The following ANK3 variants were observed in gnomAD, a reference collection of about 807,000 sequenced individuals.
ANK3 encodes the protein ankyrin-3.
ANK3 carries 57 observed loss-of-function variants against 370.9 expected under a neutral mutation model. The observed-to-expected ratio is 0.15, with a 90% confidence interval of 0.12 to 0.19. The LOEUF is 0.19. ANK3 is among the 10% of genes least tolerant of loss of function. The pLI is 1.00. For missense variants in ANK3, 4,439 were observed against 5,302.1 expected (o/e 0.84, Z 5.06); for synonymous variants, 1,929 against 1,946.3 (o/e 0.99, Z 0.23).
rs897840246 is a variant in ANK3 at position 60,696,205 on chromosome 10, G to T, written c.57+37058C>A. On this transcript the variant is annotated intron_variant, in intron 1 of 43. Transcript: ENST00000373827. ...CACTCTCCCAAGACTAAACCAGGAAGAAGTTGAATCTCTGAATAGACCAAT... is the reference window on the plus strand; with the variant it reads ...CACTCTCCCAAGACTAAACCAGGAATAAGTTGAATCTCTGAATAGACCAAT... Among the ~76,000 whole-genome samples the T allele has an allele frequency of 9.3e-5, 14 of 150,078 alleles. 1 individual carries two copies. The highest frequency in any genetic ancestry group is 1.3e-4 in the Non-Finnish European group (9 of 67,588).
chr10:60,657,212 T>G (rs549840152), intron 1 of ANK3, among the ~76,000 whole-genome samples: 107 of 152,248 alleles, frequency 7.0e-4, no homozygotes, highest in African/African-American at 2.4e-3. Flanking sequence ...CAGAAAAGGA[T>G]GAGAAAGATC....
chr10:60,063,080 T>TTAAATAAA, intron 40 of ANK3, 31 bp downstream of exon 40: 1 of 1,589,808 alleles, frequency 6.3e-7, no homozygotes, highest in Non-Finnish European at 8.5e-7. Context: ...TATCAAATGA[T>TTAAATAAA]TAAATAAATA....
intron 1 of ANK3, among the ~76,000 whole-genome samples, chr10:60,374,191 C>T (rs916921664): frequency 5.3e-5 from 8 of 151,894 alleles, no homozygotes; most frequent in South Asian, 4.2e-4. Context: ...TCAGGGTCCT[C>T]GAGATAAAAC....
intron 18 of ANK3, among the ~76,000 whole-genome samples, chr10:60,178,939 C>G (rs1490967418): frequency 6.6e-6 from 1 of 151,320 alleles, no homozygotes; most frequent in Non-Finnish European, 1.5e-5. Flanking sequence ...TATAAAGGGT[C>G]AGCAAACTGG....
chr10:60,486,593 T>C (rs7101079), intron 2 of ANK3, among the ~76,000 whole-genome samples: 4,849 of 152,130 alleles, frequency 0.032, 252 homozygotes, highest in African/African-American at 0.11. Context: ...ACAACAACAA[T>C]GAAACCTATG....
intron 21 of ANK3, among the ~76,000 whole-genome samples, chr10:60,169,511 A>G (rs1314051744): frequency 6.6e-6 from 1 of 151,894 alleles, no homozygotes; most frequent in Non-Finnish European, 1.5e-5. Context: ...GATCTTGATC[A>G]TATGTCTGAA....
At chr10:60,719,120 A>C (rs1296733074) in intron 1 of ANK3, among the ~76,000 whole-genome samples, 1 of 152,096 alleles carries the variant, frequency 6.6e-6, no homozygotes, top group Non-Finnish European at 1.5e-5. Context: ...TTTTTAAACT[A>C]GTATTATGCA....
intron 7 of ANK3, among the ~76,000 whole-genome samples, chr10:60,257,463 T>C (rs1370429326): frequency 2.6e-5 from 4 of 152,206 alleles, no homozygotes; most frequent in South Asian, 4.1e-4. Context: ...GGAAGTAGAA[T>C]TGAGCCTTTT....
chr10:60,277,947 C>T (rs550676761), intron 4 of ANK3, among the ~76,000 whole-genome samples: 1 of 152,264 alleles, frequency 6.6e-6, no homozygotes, highest in South Asian at 2.1e-4. Context: ...GTTTGCTTTC[C>T]TACATGACCT....
intron 1 of ANK3, among the ~76,000 whole-genome samples, chr10:60,690,754 C>G (rs1443651046): frequency 6.6e-6 from 1 of 152,142 alleles, no homozygotes; most frequent in Non-Finnish European, 1.5e-5. Flanking sequence ...CCTACCACCT[C>G]CTTTGAGTGA....
chr10:60,665,304 G>A (rs1000077039), intron 1 of ANK3, among the ~76,000 whole-genome samples: 1 of 152,150 alleles, frequency 6.6e-6, no homozygotes, highest in African/African-American at 2.4e-5. Flanking sequence ...TAGAACAAGA[G>A]ACCAAAAACA....
upstream of ANK3, among the ~76,000 whole-genome samples, chr10:60,390,862 A>AT (rs1390845001): frequency 3.9e-5 from 6 of 152,196 alleles, no homozygotes; most frequent in Middle Eastern, 3.4e-3. Flanking sequence ...ACAAAAGTCC[A>AT]TAACTTTGGC....
chr10:60,061,068 A>T (rs1306101950), intron 40 of ANK3, among the ~76,000 whole-genome samples: 1 of 152,178 alleles, frequency 6.6e-6, no homozygotes, highest in African/African-American at 2.4e-5. Context: ...AACAAACCAC[A>T]GTTTCTGAAT....
rs112419606 is a variant in ANK3 at position 60,721,701 on chromosome 10, A to C, written c.57+11562T>G. Among the ~76,000 whole-genome samples, 382 of 152,306 alleles carry C rather than the reference A, an allele frequency of 2.5e-3. 1 individual carries two copies. Among genetic ancestry groups the C allele is most frequent in the African/African-American group, 8.9e-3 (371 of 41,568 alleles). On this transcript the variant is annotated intron_variant, in intron 1 of 43. Transcript: ENST00000373827. ...ACTTGGGCAGACAATGATTACTAACAGATAAAAGCTGCTTCAAGAATCCAC... is the reference window on the plus strand; with the variant it reads ...ACTTGGGCAGACAATGATTACTAACCGATAAAAGCTGCTTCAAGAATCCAC...
At chr10:60,391,145 C>A (rs1168379942), upstream of ANK3, among the ~76,000 whole-genome samples, 1 of 152,216 alleles carries the variant, frequency 6.6e-6, no homozygotes, top group African/African-American at 2.4e-5. Flanking sequence ...GAATCAGGGA[C>A]CATGGCATCC....
chr10:60,287,832 C>G (rs753514102), intron 1 of ANK3, among the ~76,000 whole-genome samples: 1 of 152,142 alleles, frequency 6.6e-6, no homozygotes, highest in Non-Finnish European at 1.5e-5. Context: ...AAGGGTAGGG[C>G]TCACTGAGCA....
intron 8 of ANK3, among the ~76,000 whole-genome samples, chr10:60,231,092 G>A (rs925135089): frequency 6.6e-4 from 100 of 152,212 alleles, no homozygotes; most frequent in African/African-American, 2.0e-3. Flanking sequence ...GGAAAACTAT[G>A]ACTCAGAAGG....
At chr10:60,399,904 CCCTGGGCATTA>C (rs1199428313) in intron 2 of ANK3, among the ~76,000 whole-genome samples, 1 of 152,020 alleles carries the variant, frequency 6.6e-6, no homozygotes, top group Non-Finnish European at 1.5e-5. Context: ...GTTTCAATAT[CCCTGGGCATTA>C]CCGAGTGTCC....
In ANK3 at chr10:60,261,849, G is replaced by A; in HGVS notation, c.798+10C>T. ...TGCTTTAAAGGTATTACACATTGCT[G>A]TGCTCTTACCCTTGCGGTGAAATCC... is the stretch of plus-strand genomic sequence containing the variant. On this transcript the variant is annotated intron_variant, in intron 7 of 43. Transcript: ENST00000280772. The A allele has an allele frequency of 6.2e-7, 1 of 1,611,984 alleles. No homozygotes were observed. The highest frequency in any genetic ancestry group is 8.5e-7 in the Non-Finnish European group (1 of 1,178,136).
Sources: gnomAD v4.1 joint callset for allele counts (sites outside exome capture counted in the v4.1 genomes callset) on GRCh38, gnomAD v4.1.1 for gene constraint, MANE v1.5 for transcripts, NCBI Gene and HGNC (gene_info 2026-07-23, HGNC 2026-07-21) for gene names.